CLSTN2: variants seen among roughly 807,000 people sequenced by gnomAD.
CLSTN2 encodes the protein calsyntenin-2.
Under a neutral mutation model 101.2 loss-of-function variants are expected in CLSTN2, and 48 were observed. The ratio of observed to expected loss-of-function variants is 0.47; its 90% CI spans 0.38 to 0.60. The LOEUF is 0.60. Among genes scored for constraint, CLSTN2 ranks in the 20% least tolerant of loss-of-function variants. CLSTN2 has a pLI of 0.00. For missense variants in CLSTN2, 1,160 were observed against 1,238.2 expected (o/e 0.94, Z 0.95); for synonymous variants, 481 against 463.6 (o/e 1.04, Z -0.48).
In CLSTN2 at chr3:140,240,166, CTCTCTCTCTATA is replaced by C. The variant is rs1326723408; in HGVS notation, c.232+64095_232+64106del. On this transcript the variant is annotated intron_variant, in intron 2 of 16. Transcript: ENST00000458420. Reference sequence around the variant, plus strand: ...TCTCTCTCTCTGTCTCTCTCTCTCTCTCTCTCTCTATATATATATATATATATATATATACAC... The same window carrying C: ...TCTCTCTCTCTGTCTCTCTCTCTCTCTATATATATATATATATATATACAC... Among the ~76,000 whole-genome samples, 22 of 18,052 alleles carry C rather than the reference CTCTCTCTCTATA, an allele frequency of 1.2e-3. No individual in the cohort carries two copies. In the South Asian group the frequency reaches 0.022, roughly 18 times the overall value. The allele number at this position is 18,052 out of a possible 152,430, so 11.8% of individuals were successfully genotyped here.
intron 8 of CLSTN2, among the ~76,000 whole-genome samples, chr3:140,482,548 T>C (rs1934143508): frequency 6.6e-6 from 1 of 152,246 alleles, no homozygotes; most frequent in Non-Finnish European, 1.5e-5. Flanking sequence ...TCTGGTAGAA[T>C]TCAGCTGTGA....
intron 3 of CLSTN2, 65 bp from the exon 4 acceptor site, chr3:140,404,493 A>G (rs530942353): frequency 6.9e-7 from 1 of 1,454,260 alleles, no homozygotes; most frequent in African/African-American, 1.4e-5. Flanking sequence ...TGCCCCCAGG[A>G]GGTACAGGAG....
intron 2 of CLSTN2, among the ~76,000 whole-genome samples, chr3:140,299,662 C>G (rs2087040009): frequency 6.6e-6 from 1 of 152,170 alleles, no homozygotes; most frequent in Admixed American, 6.5e-5. Context: ...TTACATCCCA[C>G]TTTGCTCTGC....
Position 140,138,124 on chromosome 3 carries a change from C to A in CLSTN2, c.110-37827C>A, listed in dbSNP as rs538375417. The stretch of plus-strand genomic sequence containing the variant: ...GCTTAAAGGTAAATGTCATTTGAGA[C>A]GTGACATCTCTCCACAAGACCAAAA... On this transcript the variant is annotated intron_variant, in intron 1 of 16. Transcript: ENST00000458420. 2.6e-4 allele frequency among the ~76,000 whole-genome samples: 39 copies of A among 152,234 alleles called. 1 individual carries two copies. The South Asian group carries it at 3.1e-3, about 12-fold the overall frequency.
chr3:140,131,111 C>A (rs1458390432), intron 1 of CLSTN2, among the ~76,000 whole-genome samples: 1 of 151,924 alleles, frequency 6.6e-6, no homozygotes, highest in Admixed American at 6.6e-5. Flanking sequence ...ATCTTAACCA[C>A]TTTGTCCCTC....
chr3:140,505,067 A>G (rs1047605238), intron 8 of CLSTN2, among the ~76,000 whole-genome samples: 3 of 138,624 alleles, frequency 2.2e-5, no homozygotes, highest in African/African-American at 1.0e-4. Flanking sequence ...GTTCAAAGAA[A>G]GTATCTTTTT....
At chr3:140,399,330 C>T (rs1231464695) in intron 2 of CLSTN2, among the ~76,000 whole-genome samples, 1 of 152,192 alleles carries the variant, frequency 6.6e-6, no homozygotes, top group Non-Finnish European at 1.5e-5. Flanking sequence ...TTGTATAAGA[C>T]ATAAGACAGC....
chr3:140,323,902 A>T (rs558530511), intron 2 of CLSTN2, among the ~76,000 whole-genome samples: 4 of 152,214 alleles, frequency 2.6e-5, no homozygotes, highest in Non-Finnish European at 5.9e-5. Flanking sequence ...TTTTCTTCAC[A>T]ACATGGCTGC....
At chr3:140,365,033 C>T (rs1258701947) in intron 2 of CLSTN2, among the ~76,000 whole-genome samples, 1 of 152,176 alleles carries the variant, frequency 6.6e-6, no homozygotes, top group Non-Finnish European at 1.5e-5. Context: ...ATGAAGATGC[C>T]TAGGGGCTGC....
rs1168703132 is a variant in CLSTN2, at chr3:140,427,238, T to C, written c.787+5964T>C. 3.2e-5 allele frequency among the ~76,000 whole-genome samples: 4 copies of C among 125,520 alleles called. 1 individual carries two copies. The highest frequency in any genetic ancestry group is 1.5e-4 in the African/African-American group (4 of 26,822). The allele number at this position is 125,520 out of a possible 152,430, so 82.3% of individuals were successfully genotyped here. ...ATATATATATATGTGTGTATATATA[T>C]ATATATACATATATATATACATAAA... On this transcript the variant is annotated intron_variant, in intron 5 of 16. Coordinates refer to ENST00000458420, the MANE Select transcript of CLSTN2 (RefSeq NM_022131.3).
chr3:140,308,180 C>T (rs907848857), intron 2 of CLSTN2, among the ~76,000 whole-genome samples: 1 of 152,214 alleles, frequency 6.6e-6, no homozygotes, highest in Non-Finnish European at 1.5e-5. Context: ...AATCCTGGAA[C>T]ACTGACAGTA....
In CLSTN2 at chr3:140,041,174, G is replaced by A. The variant is rs1330172079; in HGVS notation, c.109+105691G>A. Among the ~76,000 whole-genome samples the A allele has an allele frequency of 2.6e-5, 4 of 152,252 alleles. No individual in the cohort carries two copies. In the East Asian group the frequency reaches 7.7e-4, roughly 29 times the overall value. ...ATTTTTATCATCTTGAGATATACAG[G>A]CTGTGATCTTGACTTTAATTAACTG... On this transcript the variant is annotated intron_variant, in intron 1 of 16. Transcript: ENST00000458420.
intron 5 of CLSTN2, among the ~76,000 whole-genome samples, chr3:140,433,560 A>C (rs1208421566): frequency 6.6e-6 from 1 of 152,204 alleles, no homozygotes; most frequent in Non-Finnish European, 1.5e-5. Flanking sequence ...TCAGCAGAGG[A>C]TACAGCTTCA....
intron 6 of CLSTN2, among the ~76,000 whole-genome samples, chr3:140,452,183 C>T (rs571860714): frequency 2.8e-4 from 42 of 152,212 alleles, no homozygotes; most frequent in Admixed American, 7.2e-4. Flanking sequence ...GGTGTGGACA[C>T]CACATTCTAG....
intron 1 of CLSTN2, among the ~76,000 whole-genome samples, chr3:139,993,549 T>C (rs1421282909): frequency 6.6e-6 from 1 of 152,176 alleles, no homozygotes; most frequent in Non-Finnish European, 1.5e-5. Flanking sequence ...ATCCCCAGTG[T>C]GCACTCTCTT....
chr3:140,126,944 A>G (rs746479316), intron 1 of CLSTN2, among the ~76,000 whole-genome samples: 2 of 152,306 alleles, frequency 1.3e-5, no homozygotes, highest in East Asian at 3.9e-4. Context: ...GACAATAGTT[A>G]AAATAATGTA....
chr3:140,025,277 C>T (rs1197781669), intron 1 of CLSTN2, among the ~76,000 whole-genome samples: 4 of 152,166 alleles, frequency 2.6e-5, no homozygotes, highest in Non-Finnish European at 4.4e-5. Context: ...ATGTGTACAT[C>T]TAGTGGCAGG....
chr3:140,097,639 G>A (rs150149005), intron 1 of CLSTN2, among the ~76,000 whole-genome samples: 93 of 152,202 alleles, frequency 6.1e-4, no homozygotes, highest in African/African-American at 2.1e-3. Context: ...GAAAATGATG[G>A]GGGCGGTCAG....
In CLSTN2 at chr3:140,281,008, C is replaced by T. The variant is rs570677379; in HGVS notation, c.232+104935C>T. Among the ~76,000 whole-genome samples, 4 of 152,338 alleles carry T rather than the reference C, an allele frequency of 2.6e-5. No individual in the cohort carries two copies. In the South Asian group the frequency reaches 6.2e-4, roughly 24 times the overall value. Reference sequence around the variant, plus strand: ...AGTAAGAGAAAAATAGCATGATTCACATAATTAGCAATATCTGTCCTGGAT... The same window carrying T: ...AGTAAGAGAAAAATAGCATGATTCATATAATTAGCAATATCTGTCCTGGAT... On this transcript the variant is annotated intron_variant, in intron 2 of 16. Coordinates refer to ENST00000458420, the MANE Select transcript of CLSTN2 (RefSeq NM_022131.3).
Sources: allele counts gnomAD v4.1 joint callset (sites outside exome capture counted in the v4.1 genomes callset), GRCh38; gene constraint gnomAD v4.1.1; transcripts MANE v1.5; gene names NCBI Gene and HGNC (gene_info 2026-07-23, HGNC 2026-07-21).